The following AFF3 variants were observed in gnomAD, a reference collection of about 807,000 sequenced individuals.
AFF3 encodes the protein AF4/FMR2 family member 3.
AFF3 carries 32 observed loss-of-function variants against 129.7 expected under a neutral mutation model. The ratio of observed to expected loss-of-function variants is 0.25; its 90% CI spans 0.19 to 0.33. The LOEUF is 0.33. Ranked by LOEUF, AFF3 falls within the 10% of genes least tolerant of loss-of-function variation. AFF3 has a pLI of 1.00. For missense variants in AFF3, 1,373 were observed against 1,592.0 expected (o/e 0.86, Z 2.34); for synonymous variants, 644 against 635.4 (o/e 1.01, Z -0.20).
intron 12 of AFF3, among the ~76,000 whole-genome samples, chr2:99,661,205 C>G (rs539398027): frequency 6.6e-6 from 1 of 152,286 alleles, no homozygotes; most frequent in African/African-American, 2.4e-5. Context: ...ATAACAATGT[C>G]CCCTGGAGGG....
At chr2:99,709,790 C>T (rs1677730778) in intron 11 of AFF3, among the ~76,000 whole-genome samples, 1 of 152,196 alleles carries the variant, frequency 6.6e-6, no homozygotes, top group Non-Finnish European at 1.5e-5. Flanking sequence ...AAATGACACT[C>T]TTTCTCATCC....
At chr2:99,694,139 C>T (rs1675949063) in intron 11 of AFF3, among the ~76,000 whole-genome samples, 1 of 151,822 alleles carries the variant, frequency 6.6e-6, no homozygotes, top group Non-Finnish European at 1.5e-5. Flanking sequence ...CTCAGGTGAT[C>T]CGCCTGCCTC....
At chr2:100,132,736 T>G (rs1041072849) in intron 1 of AFF3, among the ~76,000 whole-genome samples, 1 of 152,166 alleles carries the variant, frequency 6.6e-6, no homozygotes, top group Admixed American at 6.5e-5. Flanking sequence ...ATTTGAAGAC[T>G]TAGTACTCAA....
chr2:99,577,271 G>A (rs766539747), intron 18 of AFF3, among the ~76,000 whole-genome samples: 44 of 152,122 alleles, frequency 2.9e-4, no homozygotes, highest in Non-Finnish European at 5.6e-4. Context: ...CCGAGACTCC[G>A]GGTGGCAGTT....
At chr2:100,049,737 CT>C (rs2105126434) in intron 4 of AFF3, among the ~76,000 whole-genome samples, 1 of 152,240 alleles carries the variant, frequency 6.6e-6, no homozygotes, top group South Asian at 2.1e-4. Flanking sequence ...ATTTTTTAAA[CT>C]TTTCTATATA....
intron 2 of AFF3, among the ~76,000 whole-genome samples, chr2:100,111,852 A>G (rs1559132446): frequency 1.3e-5 from 2 of 152,244 alleles, no homozygotes; most frequent in Non-Finnish European, 2.9e-5. Context: ...CCTGCTACCC[A>G]TTGCAGCAGT....
intron 12 of AFF3, among the ~76,000 whole-genome samples, chr2:99,671,849 G>T (rs889816300): frequency 6.6e-6 from 1 of 152,134 alleles, no homozygotes; most frequent in Non-Finnish European, 1.5e-5. Flanking sequence ...TTCTTGAAAT[G>T]CAGAAGTGAA....
chr2:99,954,864 A>G (rs1676489357), intron 7 of AFF3, among the ~76,000 whole-genome samples: 1 of 151,966 alleles, frequency 6.6e-6, no homozygotes, highest in African/African-American at 2.4e-5. Flanking sequence ...ATGTATACAT[A>G]TATAACTAAC....
At chr2:99,848,225 G>A (rs1312503299) in intron 7 of AFF3, among the ~76,000 whole-genome samples, 3 of 150,558 alleles carry the variant, frequency 2.0e-5, no homozygotes, top group African/African-American at 2.4e-5. Flanking sequence ...ACTCCAGCCT[G>A]AGCAACAGAG....
intron 7 of AFF3, among the ~76,000 whole-genome samples, chr2:99,882,557 T>C (rs1692803387): frequency 2.0e-5 from 3 of 152,172 alleles, no homozygotes; most frequent in African/African-American, 7.2e-5. Flanking sequence ...CTCACAGCAG[T>C]GCCCAATGCA....
At chr2:99,771,023 TG>T (rs1056585904) in intron 8 of AFF3, among the ~76,000 whole-genome samples, 3 of 152,128 alleles carry the variant, frequency 2.0e-5, no homozygotes, top group African/African-American at 7.2e-5. Flanking sequence ...GGACCATCAG[TG>T]GTAGACTGGA....
intron 8 of AFF3, among the ~76,000 whole-genome samples, chr2:99,820,350 G>A (rs62147569): frequency 0.058 from 8,790 of 152,136 alleles, 308 homozygotes; most frequent in African/African-American, 0.098. Context: ...TGAACATACC[G>A]AAACATAGAA....
intron 11 of AFF3, among the ~76,000 whole-genome samples, chr2:99,696,181 T>G (rs569311808): frequency 4.7e-4 from 71 of 152,182 alleles, no homozygotes; most frequent in African/African-American, 1.6e-3. Flanking sequence ...ATGAATTGCC[T>G]GAGAAGTCAG....
intron 12 of AFF3, among the ~76,000 whole-genome samples, chr2:99,659,359 C>T (rs1205057146): frequency 6.6e-6 from 1 of 152,202 alleles, no homozygotes; most frequent in African/African-American, 2.4e-5. Flanking sequence ...ACAAGAGTAG[C>T]CATCAGACCC....
intron 11 of AFF3, among the ~76,000 whole-genome samples, chr2:99,720,645 A>G (rs182717183): frequency 2.9e-3 from 445 of 152,328 alleles, no homozygotes; most frequent in Non-Finnish European, 4.2e-3. Context: ...AGTTACTAAT[A>G]TGACTGGGTT....
chr2:99,941,134 A>C (rs553431918), intron 7 of AFF3, among the ~76,000 whole-genome samples: 1 of 150,006 alleles, frequency 6.7e-6, no homozygotes, highest in South Asian at 2.1e-4. Context: ...GCACACCAGG[A>C]AAAACTAACC....
intron 7 of AFF3, among the ~76,000 whole-genome samples, chr2:99,910,368 A>G (rs754585657): frequency 6.6e-5 from 10 of 152,222 alleles, no homozygotes; most frequent in Non-Finnish European, 1.3e-4. Context: ...ATAATATACT[A>G]TATTATGTAG....
At chr2:99,971,298 T>A (rs1678353373) in intron 7 of AFF3, among the ~76,000 whole-genome samples, 1 of 152,128 alleles carries the variant, frequency 6.6e-6, no homozygotes, top group African/African-American at 2.4e-5. Context: ...ATTCACACAT[T>A]TCCAATTTTC....
At chr2:99,688,707 C>A (rs1431529093) in intron 11 of AFF3, among the ~76,000 whole-genome samples, 1 of 152,160 alleles carries the variant, frequency 6.6e-6, no homozygotes, top group Non-Finnish European at 1.5e-5. Flanking sequence ...TGAGGTCTCT[C>A]ATGTCCTCAT....
Sources: gnomAD v4.1 joint callset for allele counts (sites outside exome capture counted in the v4.1 genomes callset) on GRCh38, gnomAD v4.1.1 for gene constraint, MANE v1.5 for transcripts, NCBI Gene and HGNC (gene_info 2026-07-23, HGNC 2026-07-21) for gene names.